ASTN1: variants seen among roughly 807,000 people sequenced by gnomAD.
ASTN1 encodes astrotactin-1.
ASTN1 carries 41 observed loss-of-function variants against 140.7 expected under a neutral mutation model. The observed-to-expected ratio is 0.29, with a 90% CI of 0.23 to 0.38. The LOEUF is 0.38. Among genes scored for constraint, ASTN1 ranks in the 10% least tolerant of loss-of-function variants. The pLI is 1.00. For missense variants in ASTN1, 1,479 were observed against 1,678.8 expected, an observed-to-expected ratio of 0.88 and a Z score of 2.08; for synonymous variants, 640 against 652.2, an observed-to-expected ratio of 0.98 and a Z score of 0.29.
chr1:177,149,029 T>TATATATATAGTAAATATATATATAGCAA (rs1682849896), intron 1 of ASTN1, among the ~76,000 whole-genome samples: 1 of 142,060 alleles, frequency 7.0e-6, no homozygotes, highest in African/African-American at 2.6e-5. Context: ...AGGAGATATA[T>TATATATATAGTAAATATATATATAGCAA]ATATATATAG....
intron 1 of ASTN1, among the ~76,000 whole-genome samples, chr1:177,080,010 A>G (rs1376546143): frequency 6.6e-6 from 1 of 152,268 alleles, no homozygotes; most frequent in East Asian, 1.9e-4. Context: ...ACATTTCTAT[A>G]TTATAAAGCA....
chr1:177,100,924 C>T (rs1680270992), intron 1 of ASTN1, among the ~76,000 whole-genome samples: 1 of 152,080 alleles, frequency 6.6e-6, no homozygotes, highest in African/African-American at 2.4e-5. Context: ...AAAACTCCGT[C>T]TCTAATAAAA....
chr1:177,043,659 G>A (rs1302427392), intron 2 of ASTN1, among the ~76,000 whole-genome samples: 1 of 152,240 alleles, frequency 6.6e-6, no homozygotes, highest in African/African-American at 2.4e-5. Flanking sequence ...CATTCCAGCT[G>A]TGACTCAATC....
intron 15 of ASTN1, among the ~76,000 whole-genome samples, chr1:176,934,734 C>T (rs566442211): frequency 6.6e-6 from 1 of 151,950 alleles, no homozygotes; most frequent in South Asian, 2.1e-4. Flanking sequence ...AAATACCAGC[C>T]GAGAACATTT....
chr1:177,060,510 T>C (rs570934793), intron 2 of ASTN1, among the ~76,000 whole-genome samples: 7 of 152,146 alleles, frequency 4.6e-5, no homozygotes, highest in Admixed American at 1.3e-4. Context: ...ATTAGCCTCA[T>C]CTAATTTTGT....
intron 1 of ASTN1, among the ~76,000 whole-genome samples, chr1:177,136,195 C>T (rs1682186319): frequency 6.6e-6 from 1 of 152,178 alleles, no homozygotes; most frequent in Admixed American, 6.5e-5. Context: ...TGGCTACTCT[C>T]CTGTGGAGTG....
intron 1 of ASTN1, among the ~76,000 whole-genome samples, chr1:177,140,954 C>T (rs993693299): frequency 2.6e-5 from 4 of 152,170 alleles, no homozygotes; most frequent in African/African-American, 7.2e-5. Flanking sequence ...CAGTGGCTCA[C>T]GCCTGTAATC....
rs148202757 is a variant in ASTN1 at position 176,899,981 on chromosome 1, T to C, written c.2672-5151A>G. Reference sequence around the variant, plus strand: ...ATAAGTGCCTTGGGGTCAGGAACTATGTCTTTTTTACCTTTGAAACGTCTT... The same window carrying C: ...ATAAGTGCCTTGGGGTCAGGAACTACGTCTTTTTTACCTTTGAAACGTCTT... On this transcript the variant is annotated intron_variant, in intron 16 of 22. Coordinates refer to ENST00000361833, the MANE Select transcript of ASTN1 (RefSeq NM_004319.3). Among the ~76,000 whole-genome samples, 177 of 152,328 alleles carry C rather than the reference T, an allele frequency of 1.2e-3. 1 individual carries two copies. In the Middle Eastern group the frequency reaches 0.037, roughly 32 times the overall value.
chr1:176,895,313 AG>A (rs1669459038), intron 16 of ASTN1, among the ~76,000 whole-genome samples: 1 of 152,254 alleles, frequency 6.6e-6, no homozygotes, highest in African/African-American at 2.4e-5. Context: ...GCTAAGATTT[AG>A]GAAGCCTGTA....
At position 177,037,710 on chromosome 1, in the gene ASTN1, C is replaced by A. The variant is rs533832326; in HGVS notation, c.472-4861G>T. On this transcript the variant is annotated intron_variant, in intron 2 of 22. Transcript: ENST00000361833. ...TGGAATTGCTTTGCTCATTATTCAT[C>A]TTTGCATGAATTTTCTGATTATTCT... is the stretch of plus-strand genomic sequence containing the variant. Among the ~76,000 whole-genome samples, 3 of 152,276 alleles carry A rather than the reference C, an allele frequency of 2.0e-5. No individual in the cohort carries two copies. In the East Asian group the frequency reaches 5.8e-4, roughly 29 times the overall value.
chr1:177,122,414 T>C (rs567934512), intron 1 of ASTN1, among the ~76,000 whole-genome samples: 92 of 152,320 alleles, frequency 6.0e-4, no homozygotes, highest in Non-Finnish European at 1.1e-3. Flanking sequence ...TGAGCAGTGA[T>C]GGCTCAAACG....
At chr1:177,126,021 G>A (rs1022037742) in intron 1 of ASTN1, among the ~76,000 whole-genome samples, 15 of 152,048 alleles carry the variant, frequency 9.9e-5, no homozygotes, top group East Asian at 5.8e-4. Context: ...GACTTCTCTT[G>A]GCCCCCACCT....
intron 8 of ASTN1, among the ~76,000 whole-genome samples, chr1:176,968,236 A>C (rs543792376): frequency 9.2e-5 from 14 of 152,262 alleles, no homozygotes. Context: ...AGTGCGTGGC[A>C]TTTAGTGAGT....
At chr1:176,989,515 G>A (rs1674061834) in intron 8 of ASTN1, among the ~76,000 whole-genome samples, 1 of 152,074 alleles carries the variant, frequency 6.6e-6, no homozygotes, top group African/African-American at 2.4e-5. Context: ...AACAAAATAG[G>A]GAAAAATGAT....
intron 16 of ASTN1, among the ~76,000 whole-genome samples, chr1:176,932,370 G>A (rs1234541334): frequency 1.3e-5 from 2 of 152,046 alleles, no homozygotes; most frequent in Non-Finnish European, 2.9e-5. Context: ...TTTGTCTTAC[G>A]CACGTATCAT....
rs747654186 is a variant in ASTN1 at position 177,032,630 on chromosome 1, G to T, written c.691C>A (p.Leu231Met). Residue 231 changes from leucine to methionine, a missense_variant, in exon 3 of 23, where the codon CTG (leucine) becomes ATG (methionine). Around this residue, in one of 3 missense-constraint regions of ASTN1, gnomAD observed 729 missense variants for 860.4 expected, o/e 0.85. Transcript: ENST00000361833. ...RVQGHNSSGTLSIRETPILDG... is the reference protein window; with the variant it reads ...RVQGHNSSGTMSIRETPILDG... ...AGGATAGGTGTCTCCCGGATGCTCA[G>T]GGTGCCACTGGAGTTGTGGCCCTGC... 12 of 1,614,088 alleles carry T rather than the reference G, an allele frequency of 7.4e-6. No homozygotes were observed. Among genetic ancestry groups the T allele is most frequent in the Non-Finnish European group, 7.6e-6 (9 of 1,180,042 alleles).
rs571382204 is a variant in ASTN1, at chr1:176,980,659, T to C, written c.1524-15422A>G. Among the ~76,000 whole-genome samples, 760 of 151,824 alleles carry C rather than the reference T, an allele frequency of 5.0e-3. 5 individuals are homozygous for C. Among genetic ancestry groups the C allele is most frequent in the Non-Finnish European group, 6.6e-3 (448 of 67,956 alleles). ...GACTTGATGACACTGGGAAATAAGA[T>C]CAAAGAGAGGAGTTTTGGGTGGGAT... On this transcript the variant is annotated intron_variant, in intron 8 of 22. Coordinates refer to ENST00000361833, the MANE Select transcript of ASTN1 (RefSeq NM_004319.3).
chr1:177,097,151 C>T (rs1292805537), intron 1 of ASTN1, among the ~76,000 whole-genome samples: 2 of 152,090 alleles, frequency 1.3e-5, no homozygotes, highest in Non-Finnish European at 2.9e-5. Flanking sequence ...TAAGTGGTTT[C>T]CTCATTTCTT....
At chr1:177,093,128 G>A (rs1679847182) in intron 1 of ASTN1, among the ~76,000 whole-genome samples, 1 of 152,292 alleles carries the variant, frequency 6.6e-6, no homozygotes, top group Middle Eastern at 3.4e-3. Flanking sequence ...ACATGGTAAA[G>A]CTCTGAATAT....
Sources: allele counts gnomAD v4.1 joint callset (sites outside exome capture counted in the v4.1 genomes callset), GRCh38; gene constraint gnomAD v4.1.1; regional missense constraint gnomAD v4.1.1; transcripts MANE v1.5; gene names NCBI Gene and HGNC (gene_info 2026-07-23, HGNC 2026-07-21).